The following FPGS variants were observed in gnomAD, a reference collection of about 807,000 sequenced individuals.
FPGS encodes folylpolyglutamate synthase, mitochondrial.
A neutral mutation model predicts 66.5 loss-of-function variants in FPGS; 53 were observed. The observed-to-expected ratio is 0.80, with a 90% CI of 0.64 to 1.00. FPGS has a LOEUF of 1.00. FPGS is among the 50% of genes least tolerant of loss of function. The pLI, the probability that FPGS is intolerant of heterozygous loss-of-function variation, is 0.00. For synonymous variants in FPGS, 348 were observed against 350.9 expected, an observed-to-expected ratio of 0.99 and a Z score of 0.09; for missense variants, 702 against 807.7, an observed-to-expected ratio of 0.87 and a Z score of 1.59.
In FPGS at chr9:127,808,718, C is replaced by G; in HGVS notation, c.970+13C>G. The G allele has an allele frequency of 6.3e-7, 1 of 1,575,658 alleles. No homozygotes were observed. On this transcript the variant is annotated intron_variant, in intron 10 of 14. Coordinates refer to ENST00000373247, the MANE Select transcript of FPGS (RefSeq NM_004957.6). ...CAGGACCGCCATGGTGAGTGGGCAG[C>G]TGAGTGGGCAGGCAGGTGGGTGGCA...
In FPGS at chr9:127,813,825, G is replaced by T. The variant is rs1830196677; in HGVS notation, c.*221G>T. 4.0e-6 allele frequency: 5 copies of T among 1,261,240 alleles called. No homozygotes were observed. The highest frequency in any genetic ancestry group is 5.0e-6 in the Non-Finnish European group (5 of 1,007,110). The allele number at this position is 1,261,240 out of a possible 1,614,324, so 78.1% of individuals were successfully genotyped here. On this transcript the variant is annotated 3_prime_UTR_variant, in exon 15 of 15. Transcript: ENST00000373247. ...CTGAGATAGCAGAGGGGCTCCCCGG[G>T]TCTCTCACTGTTGCAGTGGCCTGGC...
At chr9:127,811,480 C>CAA (rs10671024) in intron 14 of FPGS, among the ~76,000 whole-genome samples, 47,876 of 143,820 alleles carry the variant, frequency 0.33, 8,864 homozygotes, top group East Asian at 0.58. Context: ...GAGACTGTCT[C>CAA]AAAAAAAAAA....
intron 4 of FPGS, 64 bp from the exon 5 acceptor site, chr9:127,806,909 G>A: frequency 8.1e-7 from 1 of 1,235,372 alleles, no homozygotes; most frequent in Non-Finnish European, 1.2e-6. Flanking sequence ...ATCAGTCCCT[G>A]CAGGGTGGGG....
At chr9:127,808,426 C>A in intron 9 of FPGS, 115 bp downstream of exon 9, 2 of 1,501,360 alleles carry the variant, frequency 1.3e-6, no homozygotes, top group Non-Finnish European at 1.8e-6. Context: ...GGACGCTGGG[C>A]CAGCTGCCAG....
rs749305433 is a variant in FPGS, at chr9:127,807,820, A to G, written c.744+132A>G. On this transcript the variant is annotated intron_variant, in intron 8 of 14. Coordinates refer to ENST00000373247, the MANE Select transcript of FPGS (RefSeq NM_004957.6). This position sits in a 1 kb window ranked among gnomAD's most constrained non-coding sequence, Gnocchi z 5.8. ...CTATTTCCCCATTGAAACGTGAGGG[A>G]TGGCTGGGCATGGTGGCTTATATGC... 17 of 624,734 alleles carry G rather than the reference A, an allele frequency of 2.7e-5. No homozygotes were observed. Among genetic ancestry groups the G allele is most frequent in the Non-Finnish European group, 4.7e-5 (17 of 361,996 alleles). 38.7% of individuals were successfully genotyped at this position (624,734 alleles called of 1,614,324 possible).
intron 9 of FPGS, 51 bp downstream of exon 9, chr9:127,808,362 G>A (rs574368125): frequency 6.5e-7 from 1 of 1,532,892 alleles, no homozygotes; most frequent in South Asian, 1.1e-5. Context: ...TGTCCCTCCT[G>A]TTTGAGGAGG....
At chr9:127,811,221 G>T (rs1180897101) in intron 14 of FPGS, among the ~76,000 whole-genome samples, 1 of 152,096 alleles carries the variant, frequency 6.6e-6, no homozygotes, top group Non-Finnish European at 1.5e-5. Flanking sequence ...GCTCACGCCT[G>T]TAATCCCAGC....
At position 127,807,531 on chromosome 9, in the gene FPGS, C is replaced by G; in HGVS notation, c.641+49C>G. 1.2e-6 allele frequency: 2 copies of G among 1,612,340 alleles called. No individual in the cohort carries two copies. Among genetic ancestry groups the G allele is most frequent in the Non-Finnish European group, 1.7e-6 (2 of 1,178,692 alleles). On this transcript the variant is annotated intron_variant, in intron 7 of 14. Coordinates refer to ENST00000373247, the MANE Select transcript of FPGS (RefSeq NM_004957.6). The surrounding 1 kb of genome is among the most constrained non-coding windows in gnomAD (Gnocchi z 5.8). ...GGGGTGGCAGCCAGGAGCACAGCCTCACCTGCCGCCTGGTGGCTCAGGGCA... is the reference window on the plus strand; with the variant it reads ...GGGGTGGCAGCCAGGAGCACAGCCTGACCTGCCGCCTGGTGGCTCAGGGCA...
chr9:127,813,375 C>G lies in FPGS; in HGVS notation c.1535C>G (p.Ala512Gly), dbSNP rs773985322. Residue 512 changes from alanine to glycine, a missense_variant, in exon 15 of 15, where the codon GCC becomes GGC. This residue lies in a region of FPGS where 351 missense variants were observed against 363.7 expected (regional missense o/e 0.97). Coordinates refer to ENST00000373247, the MANE Select transcript of FPGS (RefSeq NM_004957.6). ...CCCCACCCACCCCACACCTGCAGTG[C>G]CAGCTCCCTCGTCTTCAGCTGCATT... is the stretch of plus-strand genomic sequence containing the variant. ...LAPHPPHTCSASSLVFSCISH... is the reference protein window; with the variant it reads ...LAPHPPHTCSGSSLVFSCISH... 6.2e-7 allele frequency: 1 copy of G among 1,611,558 alleles called. No individual in the cohort carries two copies. The highest frequency in any genetic ancestry group is 2.2e-5 in the East Asian group (1 of 44,848).
At chr9:127,803,138 G>C in intron 1 of FPGS, 76 bp downstream of exon 1, 1 of 1,274,906 alleles carries the variant, frequency 7.8e-7, no homozygotes, top group Non-Finnish European at 9.9e-7. Flanking sequence ...AGAACATCCG[G>C]GCTCCGCTAG....
In FPGS at chr9:127,808,245, T is replaced by G; in HGVS notation, c.756T>G (p.Pro252=). The G allele has an allele frequency of 6.2e-7, 1 of 1,614,044 alleles. No homozygotes were observed. The highest frequency in any genetic ancestry group is 8.5e-7 in the Non-Finnish European group (1 of 1,179,890). ...TCTTCCCTCCACAGCAAGGTGTCCCTGCCTTCACTGTGCTCCAACCTGAAG... is the reference window on the plus strand; with the variant it reads ...TCTTCCCTCCACAGCAAGGTGTCCCGGCCTTCACTGTGCTCCAACCTGAAG... ...QKGGIFKQGV[P]AFTVLQPEGP... The change falls in exon 9 of 15, where the codon CCT becomes CCG. Residue 252 remains proline (P), a synonymous_variant. Transcript: ENST00000373247.
In FPGS at chr9:127,808,486, G is replaced by T; in HGVS notation, c.823-72G>T. On this transcript the variant is annotated intron_variant, in intron 9 of 14. Coordinates refer to ENST00000373247, the MANE Select transcript of FPGS (RefSeq NM_004957.6). Reference sequence around the variant, plus strand: ...TGGGAGCAGGGCTTGGTGGCTGGGGGAGGGGAGAGATGCAAGGGCTGACGT... The same window carrying T: ...TGGGAGCAGGGCTTGGTGGCTGGGGTAGGGGAGAGATGCAAGGGCTGACGT... 1.9e-6 allele frequency: 3 copies of T among 1,587,014 alleles called. No homozygotes were observed. In the South Asian group the frequency reaches 3.4e-5, roughly 18 times the overall value.
chr9:127,812,689 T>TTG (rs201993056), intron 14 of FPGS, among the ~76,000 whole-genome samples: 23 of 138,978 alleles, frequency 1.7e-4, no homozygotes, highest in Admixed American at 1.6e-3. Context: ...CAGCTAATTT[T>TTG]TGTGTGTGTG....
Position 127,809,829 on chromosome 9 carries a change from G to A in FPGS, c.1206G>A (p.Pro402=), listed in dbSNP as rs964169339. 1.5e-5 allele frequency: 22 copies of A among 1,440,552 alleles called. No homozygotes were observed. Among genetic ancestry groups the A allele is most frequent in the Non-Finnish European group, 2.0e-5 (22 of 1,105,728 alleles). 89.2% of individuals were successfully genotyped at this position (1,440,552 alleles called of 1,614,324 possible). ...FRQALQGRER[P]SGGPEVRVLL... ...AGGCGCTGCAGGGCCGCGAGAGGCC[G>A]AGCGGGTGAGGGGCAGGGCTGGGGG... The change falls in exon 12 of 15, where the codon CCG becomes CCA. Residue 402 remains proline (P), a synonymous_variant. Coordinates refer to ENST00000373247, the MANE Select transcript of FPGS (RefSeq NM_004957.6).
chr9:127,813,741 G>A lies in FPGS; in HGVS notation c.*137G>A. On this transcript the variant is annotated 3_prime_UTR_variant, in exon 15 of 15. Transcript: ENST00000373247. ...CCTAGGGGCCAGGGCTTTGGGATGG[G>A]AGGCCGGGAGAGGATGTCTTTTTTA... 7.6e-7 allele frequency: 1 copy of A among 1,313,930 alleles called. No individual in the cohort carries two copies. Among genetic ancestry groups the A allele is most frequent in the Non-Finnish European group, 9.6e-7 (1 of 1,037,390 alleles). 81.4% of individuals were successfully genotyped at this position (1,313,930 alleles called of 1,614,324 possible). A position where few individuals can be genotyped will look rare whatever the true frequency, so the allele number is the denominator to read the frequency against.
intron 14 of FPGS, among the ~76,000 whole-genome samples, chr9:127,812,940 G>C (rs1471526860): frequency 2.6e-5 from 4 of 152,174 alleles, no homozygotes; most frequent in African/African-American, 9.7e-5. Context: ...GTGGGGAAGG[G>C]GTGCCTAGTG....
chr9:127,812,752 CTT>C (rs1211238707), intron 14 of FPGS, among the ~76,000 whole-genome samples: 1 of 152,086 alleles, frequency 6.6e-6, no homozygotes, highest in African/African-American at 2.4e-5. Context: ...ATCTTGAACT[CTT>C]GACCTCAGGT....
Position 127,813,547 on chromosome 9 carries a change from C to A in FPGS, c.1707C>A (p.Gly569=). The A allele has an allele frequency of 6.3e-7, 1 of 1,598,166 alleles. No individual in the cohort carries two copies. Among genetic ancestry groups the A allele is most frequent in the Non-Finnish European group, 8.5e-7 (1 of 1,171,290 alleles). The change falls in exon 15 of 15, where the codon GGC becomes GGA. Residue 569 remains glycine, a synonymous_variant. Coordinates refer to ENST00000373247, the MANE Select transcript of FPGS (RefSeq NM_004957.6). ...CTGCCATCCATGTGCTAGTCACTGG[C>A]AGCCTGCACCTGGTGGGTGGTGTCC... The part of the protein sequence containing the change: ...EAAAIHVLVT[G]SLHLVGGVLK...
chr9:127,809,791 CG>C lies in FPGS; in HGVS notation c.1169del (p.Arg390ProfsTer36). On this transcript the variant is annotated frameshift_variant, in exon 12 of 15. Coordinates refer to ENST00000373247, the MANE Select transcript of FPGS (RefSeq NM_004957.6). LOFTEE classifies it high-confidence loss of function. ...CGCCAGCAGCGCGCAGGCCTGCGTG[CG>C]CTGGTTCCGCCAGGCGCTGCAGGGC... is the stretch of plus-strand genomic sequence containing the variant. ...HTASSAQACV[R>X]WFRQALQGRE... The C allele has an allele frequency of 1.3e-6, 2 of 1,520,328 alleles. No homozygotes were observed. The highest frequency in any genetic ancestry group is 1.7e-6 in the Non-Finnish European group (2 of 1,144,652). 94.2% of individuals were successfully genotyped at this position (1,520,328 alleles called of 1,614,324 possible). A position where few individuals can be genotyped will look rare whatever the true frequency, so the allele number is the denominator to read the frequency against.
Sources: gnomAD v4.1 joint callset for allele counts (sites outside exome capture counted in the v4.1 genomes callset) on GRCh38, gnomAD v4.1.1 for gene constraint, gnomAD v4.1.1 regional missense constraint, Gnocchi (gnomAD v3.1) non-coding constraint, MANE v1.5 for transcripts, NCBI Gene and HGNC (gene_info 2026-07-23, HGNC 2026-07-21) for gene names.